The following ADNP2 variants were observed in gnomAD, a reference collection of about 807,000 sequenced individuals.
ADNP2 encodes ADNP homeobox 2, also known as activity-dependent neuroprotector homeobox protein 2.
A neutral mutation model predicts 16.4 loss-of-function variants in ADNP2; 8 were observed. That is an observed-to-expected ratio of 0.49 (90% CI 0.29 to 0.88). The LOEUF (loss-of-function observed/expected upper bound fraction) is 0.88. Ranked by LOEUF, ADNP2 falls within the 40% of genes least tolerant of loss-of-function variation. The pLI is 0.09. For missense variants in ADNP2, 1,397 were observed against 1,395.1 expected, an observed-to-expected ratio of 1.00 and a Z score of -0.02; for synonymous variants, 637 against 545.8, an observed-to-expected ratio of 1.17 and a Z score of -2.33.
rs1469372971 is a variant in ADNP2, at chr18:80,109,299, G to C, written c.-187G>C. 6.6e-6 allele frequency: 1 copy of C among 151,644 alleles called. No individual in the cohort carries two copies. The highest frequency in any genetic ancestry group is 6.6e-5 in the Admixed American group (1 of 15,216). The allele number at this position is 151,644 out of a possible 1,614,324, so 9.4% of individuals were successfully genotyped here. Reference sequence around the variant, plus strand: ...TTTTCTCTTTCTGGCTGCGCGGGAGGAGGGGACCAGTCGCGCTGGGGGTGG... The same window carrying C: ...TTTTCTCTTTCTGGCTGCGCGGGAGCAGGGGACCAGTCGCGCTGGGGGTGG... On this transcript the variant is annotated 5_prime_UTR_variant, in exon 1 of 4. Transcript: ENST00000262198.
chr18:80,124,472 A>G (rs1438426818), intron 2 of ADNP2, among the ~76,000 whole-genome samples: 5 of 152,210 alleles, frequency 3.3e-5, no homozygotes, highest in African/African-American at 1.2e-4. Context: ...GTTATAAAGA[A>G]TCACAGTGAA....
chr18:80,122,044 C>G (rs995337049), intron 2 of ADNP2, among the ~76,000 whole-genome samples: 4 of 152,002 alleles, frequency 2.6e-5, no homozygotes, highest in Non-Finnish European at 5.9e-5. Context: ...CTCAGCCTCT[C>G]GAGTAGCTGA....
chr18:80,137,468 G>C lies in ADNP2; in HGVS notation c.2055G>C (p.Gln685His). 1 of 1,614,236 alleles carries C rather than the reference G, an allele frequency of 6.2e-7. No individual in the cohort carries two copies. ...QASSSAADTN[Q>H]VLKQAKQWKT... The stretch of plus-strand genomic sequence containing the variant: ...CCTCCTCTGCAGCAGACACAAACCA[G>C]GTGCTCAAACAGGCCAAGCAGTGGA... Residue 685 changes from glutamine (Q) to histidine (H), a missense_variant, in exon 4 of 4, where the codon CAG becomes CAC. Around this residue, in one of 3 missense-constraint regions of ADNP2, gnomAD observed 611 missense variants for 648.7 expected, o/e 0.94. Coordinates refer to ENST00000262198, the MANE Select transcript of ADNP2 (RefSeq NM_014913.4). The surrounding 1 kb of genome is among the most constrained non-coding windows in gnomAD (Gnocchi z 4.2).
intron 1 of ADNP2, among the ~76,000 whole-genome samples, chr18:80,111,853 C>G (rs1398165697): frequency 6.6e-6 from 1 of 151,966 alleles, no homozygotes; most frequent in Non-Finnish European, 1.5e-5. Context: ...CCAACATTTT[C>G]TTTTAGAATG....
At chr18:80,131,118 C>G (rs1317895627) in intron 2 of ADNP2, among the ~76,000 whole-genome samples, 1 of 152,206 alleles carries the variant, frequency 6.6e-6, no homozygotes, top group Non-Finnish European at 1.5e-5. Flanking sequence ...TGCCAGCAGG[C>G]TTTGGAAGTC....
intron 1 of ADNP2, among the ~76,000 whole-genome samples, chr18:80,113,289 C>T (rs1599801929): frequency 6.6e-6 from 1 of 152,170 alleles, no homozygotes; most frequent in East Asian, 1.9e-4. Context: ...GACCAGGATA[C>T]ATTTTTCACA....
At chr18:80,127,101 G>A (rs1341376075) in intron 2 of ADNP2, among the ~76,000 whole-genome samples, 1 of 152,056 alleles carries the variant, frequency 6.6e-6, no homozygotes, top group Non-Finnish European at 1.5e-5. Context: ...GTTTATTATT[G>A]TTGTTAATAT....
At chr18:80,112,565 TA>T (rs1568407016) in intron 1 of ADNP2, among the ~76,000 whole-genome samples, 1 of 152,026 alleles carries the variant, frequency 6.6e-6, no homozygotes, top group Non-Finnish European at 1.5e-5. Flanking sequence ...CATTTGAGAA[TA>T]AAAAGTTCCT....
rs780805318 is a variant in ADNP2 at position 80,136,341 on chromosome 18, A to T, written c.928A>T (p.Thr310Ser). ...SPSPAAGQPV[T>S]VAQGAPGSLT... is the part of the protein sequence containing the mutation. ...AAGCCCAGCCGCAGGACAGCCAGTG[A>T]CTGTGGCCCAGGGTGCCCCTGGAAG... Residue 310 changes from threonine (T) to serine (S), a missense_variant, in exon 4 of 4, where the codon ACT becomes TCT. By Grantham distance (58) the Thr-to-Ser change is moderately conservative. Around this residue, in one of 3 missense-constraint regions of ADNP2, gnomAD observed 777 missense variants for 719.4 expected, o/e 1.08. Coordinates refer to ENST00000262198, the MANE Select transcript of ADNP2 (RefSeq NM_014913.4). The T allele has an allele frequency of 6.2e-7, 1 of 1,614,188 alleles. No homozygotes were observed. Among genetic ancestry groups the T allele is most frequent in the Non-Finnish European group, 8.5e-7 (1 of 1,180,028 alleles).
chr18:80,129,105 G>GTTT (rs753934297), intron 2 of ADNP2, among the ~76,000 whole-genome samples: 15 of 81,438 alleles, frequency 1.8e-4, no homozygotes, highest in African/African-American at 3.4e-4. Flanking sequence ...CTTTTTTTTT[G>GTTT]TTTTTTTTTT....
chr18:80,112,786 C>T (rs1203457140), intron 1 of ADNP2, among the ~76,000 whole-genome samples: 2 of 152,130 alleles, frequency 1.3e-5, no homozygotes, highest in African/African-American at 4.8e-5. Flanking sequence ...GTCTTTGTAT[C>T]CCAGGCTTCT....
intron 1 of ADNP2, chr18:80,109,762 G>C (rs1213462869): frequency 6.6e-6 from 1 of 151,534 alleles, no homozygotes; most frequent in Non-Finnish European, 1.5e-5. Context: ...GGGCGGAGAA[G>C]GGGATGGGGA....
Position 80,138,806 on chromosome 18 carries a change from AT to A in ADNP2, c.3394del (p.Ter1132LysfsTer9). The A allele has an allele frequency of 6.8e-7, 1 of 1,461,714 alleles. No individual in the cohort carries two copies. Among genetic ancestry groups the A allele is most frequent in the Non-Finnish European group, 8.9e-7 (1 of 1,118,322 alleles). The allele number at this position is 1,461,714 out of a possible 1,614,324, so 90.5% of individuals were successfully genotyped here. Reference sequence around the variant, plus strand: ...ATAGATTGAACTTTGAATATGAACCATAAAACTTGCAAAAAAAAAAAAAAGT... The same window carrying A: ...ATAGATTGAACTTTGAATATGAACCAAAAACTTGCAAAAAAAAAAAAAAGT... ...KHRLNFEYEP[*>X] On this transcript the variant is annotated frameshift_variant and stop_lost, in exon 4 of 4. Coordinates refer to ENST00000262198, the MANE Select transcript of ADNP2 (RefSeq NM_014913.4). LOFTEE classifies it high-confidence loss of function.
chr18:80,131,999 A>G (rs1368421269), intron 2 of ADNP2, among the ~76,000 whole-genome samples: 3 of 152,184 alleles, frequency 2.0e-5, no homozygotes, highest in Non-Finnish European at 2.9e-5. Context: ...ACCCAGATGA[A>G]GATTGTTTTA....
chr18:80,121,497 T>G, intron 2 of ADNP2, among the ~76,000 whole-genome samples: 1 of 152,350 alleles, frequency 6.6e-6, no homozygotes, highest in Middle Eastern at 3.4e-3. Context: ...TGTCTTTACT[T>G]TCTTGATAAC....
chr18:80,110,371 G>A (rs1303052708), intron 1 of ADNP2, among the ~76,000 whole-genome samples: 1 of 152,190 alleles, frequency 6.6e-6, no homozygotes, highest in Non-Finnish European at 1.5e-5. Flanking sequence ...TATTTGCACG[G>A]GTAATCACTG....
Position 80,131,067 on chromosome 18 carries a change from G to A in ADNP2, c.109-2036G>A, listed in dbSNP as rs1475181088. Among the ~76,000 whole-genome samples, 3 of 152,162 alleles carry A rather than the reference G, an allele frequency of 2.0e-5. No homozygotes were observed. The East Asian group carries it at 5.8e-4, about 29-fold the overall frequency. The stretch of plus-strand genomic sequence containing the variant: ...TTAGGCCATTTTACCTGCACGTAAG[G>A]TGGAGGCCTTCCTTCTACGTTTCCT... On this transcript the variant is annotated intron_variant, in intron 2 of 3. Transcript: ENST00000262198.
Position 80,137,801 on chromosome 18 carries a change from G to A in ADNP2, c.2388G>A (p.Lys796=). Residue 796 remains lysine, a synonymous_variant, in exon 4 of 4, where the codon AAG becomes AAA. Transcript: ENST00000262198. The surrounding 1 kb of genome is among the most constrained non-coding windows in gnomAD (Gnocchi z 4.2). ...ACAGCAGGAATAGGCACCTGGGGAA[G>A]AAGAAGTTGCCTATGGATTATAGCA... The part of the protein sequence containing the change: ...SEHSRNRHLG[K]KKLPMDYSNR... 1 of 1,614,196 alleles carries A rather than the reference G, an allele frequency of 6.2e-7. No homozygotes were observed. The highest frequency in any genetic ancestry group is 1.1e-5 in the South Asian group (1 of 91,084).
chr18:80,124,187 A>G (rs368662363), intron 2 of ADNP2, among the ~76,000 whole-genome samples: 2 of 152,310 alleles, frequency 1.3e-5, no homozygotes, highest in East Asian at 1.9e-4. Context: ...GTGTCTTTCT[A>G]GGAATTTGTC....
Sources: allele counts gnomAD v4.1 joint callset (sites outside exome capture counted in the v4.1 genomes callset), GRCh38; gene constraint gnomAD v4.1.1; regional missense constraint gnomAD v4.1.1; non-coding constraint Gnocchi (gnomAD v3.1); transcripts MANE v1.5; gene names NCBI Gene and HGNC (gene_info 2026-07-23, HGNC 2026-07-21).